The following FARS2 variants were observed in gnomAD, a reference collection of about 807,000 sequenced individuals.
FARS2 encodes the protein phenylalanine--tRNA ligase, mitochondrial.
FARS2 carries 40 observed loss-of-function variants against 46.4 expected under a neutral mutation model. That is an observed-to-expected ratio of 0.86 (90% confidence interval 0.67 to 1.12). FARS2 has a LOEUF of 1.12. FARS2 is among the 50% of genes most tolerant of loss of function. The pLI, the probability that FARS2 is intolerant of heterozygous loss-of-function variation, is 0.00. For missense variants in FARS2, 513 were observed against 567.9 expected (o/e 0.90, Z 0.98); for synonymous variants, 234 against 214.9 (o/e 1.09, Z -0.78).
intron 6 of FARS2, among the ~76,000 whole-genome samples, chr6:5,710,931 T>C (rs1759104900): frequency 6.6e-6 from 1 of 152,220 alleles, no homozygotes; most frequent in African/African-American, 2.4e-5. Flanking sequence ...ATTACTTCAA[T>C]GGTGGCGAAC....
At chr6:5,495,540 A>G (rs1299989603) in intron 4 of FARS2, among the ~76,000 whole-genome samples, 2 of 152,358 alleles carry the variant, frequency 1.3e-5, no homozygotes, top group African/African-American at 4.8e-5. Flanking sequence ...CAAAAAAAGA[A>G]TCTGGAGCTA....
intron 4 of FARS2, among the ~76,000 whole-genome samples, chr6:5,479,725 C>T (rs891677157): frequency 2.6e-5 from 4 of 152,140 alleles, no homozygotes; most frequent in South Asian, 2.1e-4. Context: ...AATTCCACAG[C>T]GATTTAAAAA....
chr6:5,397,075 A>T (rs774658338), intron 2 of FARS2, among the ~76,000 whole-genome samples: 4 of 152,210 alleles, frequency 2.6e-5, no homozygotes, highest in African/African-American at 4.8e-5. Flanking sequence ...TAGAAAATAC[A>T]ATCTCAAATA....
chr6:5,612,965 TAAG>T (rs1457426491), intron 5 of FARS2, among the ~76,000 whole-genome samples: 1 of 152,240 alleles, frequency 6.6e-6, no homozygotes, highest in Non-Finnish European at 1.5e-5. Context: ...ATGAATGTGA[TAAG>T]AATCTGTAAT....
chr6:5,713,286 G>A (rs1371597090), intron 6 of FARS2, among the ~76,000 whole-genome samples: 1 of 152,190 alleles, frequency 6.6e-6, no homozygotes, highest in Non-Finnish European at 1.5e-5. Flanking sequence ...TTGTATCTGG[G>A]CAAAGTAATA....
intron 1 of FARS2, among the ~76,000 whole-genome samples, chr6:5,280,599 A>G (rs1008052563): frequency 3.3e-5 from 5 of 152,160 alleles, no homozygotes; most frequent in Non-Finnish European, 5.9e-5. Flanking sequence ...TTGATACTTC[A>G]GTTTCTTTAT....
At position 5,584,108 on chromosome 6, in the gene FARS2, GACACACACACACAC is replaced by G. The variant is rs143867485; in HGVS notation, c.1066-29040_1066-29027del. ...ACATTCTCTCTCTCTTTCTCTCTCT[GACACACACACACAC>G]ACACACACACACACACACACTCCTT... On this transcript the variant is annotated intron_variant, in intron 5 of 6. Transcript: ENST00000274680. Among the ~76,000 whole-genome samples the G allele has an allele frequency of 2.9e-4, 36 of 122,944 alleles. No homozygotes were observed. In the East Asian group the frequency reaches 3.1e-3, roughly 11 times the overall value. The allele number at this position is 122,944 out of a possible 152,430, so 80.7% of individuals were successfully genotyped here.
Position 5,741,617 on chromosome 6 carries a change from CCTGGCTG to C in FARS2, c.1218-29672_1218-29666del, listed in dbSNP as rs1419100408. Among the ~76,000 whole-genome samples, 9 of 152,316 alleles carry C rather than the reference CCTGGCTG, an allele frequency of 5.9e-5. 1 individual carries two copies. The highest frequency in any genetic ancestry group is 2.2e-4 in the African/African-American group (9 of 41,564). On this transcript the variant is annotated intron_variant, in intron 6 of 6. Coordinates refer to ENST00000274680, the MANE Select transcript of FARS2 (RefSeq NM_006567.5). ...CCAGGCTTGCACAACAGCCTCCTGG[CCTGGCTG>C]CGCTGAAGGACTTCTTTTTGTTTTT...
chr6:5,717,927 T>TAGAGAGAGAGAGAGAGAGAGAGAGAGAG (rs1410102835), intron 6 of FARS2, among the ~76,000 whole-genome samples: 12 of 74,242 alleles, frequency 1.6e-4, no homozygotes, highest in African/African-American at 7.5e-4. Context: ...TATATATATA[T>TAGAGAGAGAGAGAGAGAGAGAGAGAGAG]ATATATATAC....
At chr6:5,566,233 G>A (rs997327290) in intron 5 of FARS2, among the ~76,000 whole-genome samples, 2 of 152,054 alleles carry the variant, frequency 1.3e-5, no homozygotes, top group African/African-American at 2.4e-5. Flanking sequence ...TCTCTCAGTC[G>A]GGAGTGGGGA....
intron 1 of FARS2, among the ~76,000 whole-genome samples, chr6:5,324,899 G>T (rs1300190519): frequency 2.0e-5 from 3 of 151,806 alleles, no homozygotes; most frequent in Non-Finnish European, 4.4e-5. Context: ...TCTCATCCCT[G>T]CCTCCTGAGA....
intron 4 of FARS2, among the ~76,000 whole-genome samples, chr6:5,436,663 A>G (rs559463135): frequency 1.3e-5 from 2 of 152,226 alleles, no homozygotes; most frequent in South Asian, 2.1e-4. Flanking sequence ...TAGAGACTTC[A>G]TAAAGGAGAT....
At position 5,288,223 on chromosome 6, in the gene FARS2, A is replaced by G. The variant is rs117821392; in HGVS notation, c.-22+26563A>G. Among the ~76,000 whole-genome samples, 221 of 152,264 alleles carry G rather than the reference A, an allele frequency of 1.5e-3. 3 individuals carry two copies. The East Asian group carries it at 0.04, about 28-fold the overall frequency. ...GTTTTGTCCAACCATCTGCCCTGAG[A>G]TCTTGCTGTCTACTTCTTTTGATGT... On this transcript the variant is annotated intron_variant, in intron 1 of 6. Coordinates refer to ENST00000274680, the MANE Select transcript of FARS2 (RefSeq NM_006567.5).
chr6:5,661,735 G>T (rs562245557), intron 6 of FARS2, among the ~76,000 whole-genome samples: 2 of 152,336 alleles, frequency 1.3e-5, no homozygotes, highest in African/African-American at 2.4e-5. Context: ...GGTTGAAAAT[G>T]AAGTGGGAGG....
chr6:5,567,468 G>A (rs974960235), intron 5 of FARS2, among the ~76,000 whole-genome samples: 2 of 152,202 alleles, frequency 1.3e-5, no homozygotes, highest in Admixed American at 6.5e-5. Flanking sequence ...TGTTAAGCAT[G>A]ATGGTTGAAA....
rs71540878 is a variant in FARS2 at position 5,674,193 on chromosome 6, TAAAAAA to T, written c.1217+60889_1217+60894del. Among the ~76,000 whole-genome samples, 71 of 76,362 alleles carry T rather than the reference TAAAAAA, an allele frequency of 9.3e-4. 2 individuals carry two copies. The South Asian group carries it at 0.038, about 41-fold the overall frequency. 50.1% of individuals were successfully genotyped at this position (76,362 alleles called of 152,430 possible). ...TTCTTTTCAGTTAGTGCATTCTCATTAAAAAAAAAAAAAAAAAAAAAGGAAAGAAAA... is the reference window on the plus strand; with the variant it reads ...TTCTTTTCAGTTAGTGCATTCTCATTAAAAAAAAAAAAAAAGGAAAGAAAA... On this transcript the variant is annotated intron_variant, in intron 6 of 6. Coordinates refer to ENST00000274680, the MANE Select transcript of FARS2 (RefSeq NM_006567.5).
At chr6:5,352,421 G>A (rs1481806301) in intron 1 of FARS2, among the ~76,000 whole-genome samples, 1 of 151,990 alleles carries the variant, frequency 6.6e-6, no homozygotes, top group Non-Finnish European at 1.5e-5. Context: ...GCTCAGGTGT[G>A]TGGCTTGTCA....
intron 6 of FARS2, among the ~76,000 whole-genome samples, chr6:5,642,107 C>A (rs947056372): frequency 6.6e-6 from 1 of 152,184 alleles, no homozygotes; most frequent in African/African-American, 2.4e-5. Flanking sequence ...TAGGTGCATA[C>A]ATACATATAT....
chr6:5,410,514 G>T (rs1175355312), intron 3 of FARS2, among the ~76,000 whole-genome samples: 1 of 152,078 alleles, frequency 6.6e-6, no homozygotes, highest in Non-Finnish European at 1.5e-5. Context: ...TGGGTTTTGG[G>T]TTCTTGCTGT....
Sources: gnomAD v4.1 joint callset for allele counts (sites outside exome capture counted in the v4.1 genomes callset) on GRCh38, gnomAD v4.1.1 for gene constraint, MANE v1.5 for transcripts, NCBI Gene and HGNC (gene_info 2026-07-23, HGNC 2026-07-21) for gene names.